ANK3: variants seen among roughly 807,000 people sequenced by gnomAD.
ANK3 encodes the protein ankyrin 3.
In ANK3, 57 loss-of-function variants were observed where a neutral mutation model predicts 370.9. The ratio of observed to expected loss-of-function variants is 0.15; its 90% confidence interval spans 0.12 to 0.19. The LOEUF (loss-of-function observed/expected upper bound fraction) is 0.19. Among genes scored for constraint, ANK3 ranks in the 10% least tolerant of loss-of-function variants. ANK3 has a pLI of 1.00. For missense variants in ANK3, 4,439 were observed against 5,302.1 expected (o/e 0.84, Z 5.06); for synonymous variants, 1,929 against 1,946.3 (o/e 0.99, Z 0.23).
chr10:60,086,485 C>T (rs1484491263), intron 30 of ANK3, 192 bp downstream of exon 30: 9 of 489,814 alleles, frequency 1.8e-5, no homozygotes, highest in Non-Finnish European at 3.1e-5. Context: ...GGATCTTGAC[C>T]AGGATCTTCC....
chr10:60,679,296 C>A (rs1201811261), intron 1 of ANK3, among the ~76,000 whole-genome samples: 1 of 152,114 alleles, frequency 6.6e-6, no homozygotes, highest in Non-Finnish European at 1.5e-5. Flanking sequence ...GAGGGCCCCC[C>A]TCCCACCAGG....
chr10:60,203,415 C>T (rs2096715180), intron 11 of ANK3, among the ~76,000 whole-genome samples: 1 of 152,098 alleles, frequency 6.6e-6, no homozygotes, highest in South Asian at 2.1e-4. Context: ...TTGTTTTCCC[C>T]TTTACTAATA....
At chr10:60,517,038 C>A (rs2076234899) in intron 2 of ANK3, among the ~76,000 whole-genome samples, 1 of 151,946 alleles carries the variant, frequency 6.6e-6, no homozygotes, top group Non-Finnish European at 1.5e-5. Flanking sequence ...TGGTCTTGGG[C>A]AAGTTATCTG....
intron 1 of ANK3, among the ~76,000 whole-genome samples, chr10:60,714,912 AG>A (rs2079760704): frequency 6.6e-6 from 1 of 152,210 alleles, no homozygotes; most frequent in African/African-American, 2.4e-5. Context: ...GGAGAATACA[AG>A]CATCATACAT....
intron 28 of ANK3, among the ~76,000 whole-genome samples, chr10:60,102,136 T>C (rs2132072045): frequency 6.7e-6 from 1 of 150,066 alleles, no homozygotes; most frequent in South Asian, 2.2e-4. Context: ...GGGTGCCCAC[T>C]TGGGGTGTAT....
intron 1 of ANK3, among the ~76,000 whole-genome samples, chr10:60,632,059 C>G (rs2078491076): frequency 6.6e-6 from 1 of 152,206 alleles, no homozygotes; most frequent in South Asian, 2.1e-4. Flanking sequence ...AGGGCTCAGC[C>G]AACCTTTGGG....
Position 60,198,500 on chromosome 10 carries a change from C to A in ANK3, c.1529G>T (p.Gly510Val), listed in dbSNP as rs544832997. Residue 510 changes from glycine (G) to valine (V), a missense_variant, in exon 14 of 44, where the codon GGG (glycine) becomes GTG (valine). Physicochemically the swap from Gly to Val is moderately radical, Grantham distance 109 (BLOSUM62 -3). Coordinates refer to ENST00000280772, the MANE Select transcript of ANK3 (RefSeq NM_020987.5). ...QTPLHISARL[G>V]KADIVQQLLQ... Reference sequence around the variant, plus strand: ...CAGCTGTTGTACTATGTCTGCTTTCCCCAGTCGGGCTGAAATGTGGAGTGG... The same window carrying A: ...CAGCTGTTGTACTATGTCTGCTTTCACCAGTCGGGCTGAAATGTGGAGTGG... The A allele has an allele frequency of 6.2e-7, 1 of 1,614,150 alleles. No individual in the cohort carries two copies. The highest frequency in any genetic ancestry group is 2.2e-5 in the East Asian group (1 of 44,878).
chr10:60,042,445 T>C (rs940191738), intron 43 of ANK3, among the ~76,000 whole-genome samples: 6 of 152,230 alleles, frequency 3.9e-5, no homozygotes, highest in African/African-American at 1.4e-4. Flanking sequence ...ATTAAATTGC[T>C]GCCTAATTTG....
rs746096588 is a variant in ANK3 at position 60,069,010 on chromosome 10, G to T, written c.11871C>A (p.Thr3957=). 2 of 1,614,060 alleles carry T rather than the reference G, an allele frequency of 1.2e-6. No homozygotes were observed. Among genetic ancestry groups the T allele is most frequent in the South Asian group, 2.2e-5 (2 of 91,066 alleles). Reference sequence around the variant, plus strand: ...CAGTGGTGGTGGTGGTAGTGACACAGGTGGATCTTACCTTTACTGGCAACT... The same window carrying T: ...CAGTGGTGGTGGTGGTAGTGACACATGTGGATCTTACCTTTACTGGCAACT... ...PSKLPVKVRS[T]CVTTTTTTAT... Residue 3957 remains threonine, a synonymous_variant, in exon 37 of 44, where the codon ACC becomes ACA. Coordinates refer to ENST00000280772, the MANE Select transcript of ANK3 (RefSeq NM_020987.5).
intron 30 of ANK3, among the ~76,000 whole-genome samples, chr10:60,085,503 A>T (rs1352267956): frequency 6.6e-6 from 1 of 152,152 alleles, no homozygotes; most frequent in Non-Finnish European, 1.5e-5. Context: ...CTGGGTACTA[A>T]TGAATGGCTT....
intron 7 of ANK3, among the ~76,000 whole-genome samples, chr10:60,235,000 A>G (rs1592179642): frequency 6.6e-6 from 1 of 152,206 alleles, no homozygotes; most frequent in Non-Finnish European, 1.5e-5. Context: ...GCAGGGTCCA[A>G]GTTAATTTAT....
At chr10:60,721,847 G>T (rs1411235940) in intron 1 of ANK3, among the ~76,000 whole-genome samples, 5 of 152,104 alleles carry the variant, frequency 3.3e-5, no homozygotes, top group Non-Finnish European at 5.9e-5. Flanking sequence ...AGTTTTAATT[G>T]ACACCTTCAT....
intron 1 of ANK3, among the ~76,000 whole-genome samples, chr10:60,340,810 A>C (rs1040862487): frequency 6.6e-6 from 1 of 152,146 alleles, no homozygotes; most frequent in African/African-American, 2.4e-5. Flanking sequence ...TCAACTAAGC[A>C]CTTAATCTGT....
At chr10:60,649,011 G>A (rs1292866010) in intron 1 of ANK3, among the ~76,000 whole-genome samples, 2 of 152,008 alleles carry the variant, frequency 1.3e-5, no homozygotes, top group Non-Finnish European at 2.9e-5. Flanking sequence ...TCTTTTTCTT[G>A]GTTCCATGCA....
chr10:60,513,920 G>A (rs745668152), intron 2 of ANK3, among the ~76,000 whole-genome samples: 5 of 152,134 alleles, frequency 3.3e-5, no homozygotes, highest in Non-Finnish European at 7.4e-5. Flanking sequence ...TACACTGAGT[G>A]GGTCTGCCTC....
chr10:60,340,997 G>T (rs2054159187), intron 1 of ANK3, among the ~76,000 whole-genome samples: 1 of 152,104 alleles, frequency 6.6e-6, no homozygotes, highest in African/African-American at 2.4e-5. Flanking sequence ...CAAACCCAGG[G>T]TTATTTGACT....
Position 60,069,383 on chromosome 10 carries a change from CCT to C in ANK3, c.11496_11497del (p.Val3834ThrfsTer9). ...TCTTACACAGTGTCCTTGTAGTACC[CCT>C]GTCTTTTTTCCTGATGAGACTTTCA... is the stretch of plus-strand genomic sequence containing the variant. On this transcript the variant is annotated frameshift_variant, in exon 37 of 44. Transcript: ENST00000280772. LOFTEE classifies it high-confidence loss of function. 1 of 1,613,562 alleles carries C rather than the reference CCT, an allele frequency of 6.2e-7. No homozygotes were observed. The highest frequency in any genetic ancestry group is 8.5e-7 in the Non-Finnish European group (1 of 1,179,902).
At chr10:60,435,234 G>A (rs1312008048) in intron 2 of ANK3, among the ~76,000 whole-genome samples, 1 of 152,010 alleles carries the variant, frequency 6.6e-6, no homozygotes, top group African/African-American at 2.4e-5. Context: ...GTATATTTTT[G>A]AAAGTTTGTA....
chr10:60,348,916 A>T (rs184055246), intron 1 of ANK3, among the ~76,000 whole-genome samples: 5 of 152,288 alleles, frequency 3.3e-5, no homozygotes, highest in Admixed American at 6.5e-5. Flanking sequence ...AATATCTTAG[A>T]CTATAACATC....
Sources: gnomAD v4.1 joint callset for allele counts (sites outside exome capture counted in the v4.1 genomes callset) on GRCh38, gnomAD v4.1.1 for gene constraint, MANE v1.5 for transcripts, NCBI Gene and HGNC (gene_info 2026-07-23, HGNC 2026-07-21) for gene names.